Variants in LARS1 observed in about 807,000 individuals in gnomAD.
The protein encoded by LARS1 is leucine--tRNA ligase, cytoplasmic.
In LARS1, 100 loss-of-function variants were observed where a neutral mutation model predicts 162.8. The observed-to-expected ratio is 0.61, with a 90% CI of 0.52 to 0.73. The LOEUF (loss-of-function observed/expected upper bound fraction) is 0.73, where lower values mean the gene tolerates loss of function less well. Ranked by LOEUF, LARS1 falls within the 30% of genes least tolerant of loss-of-function variation. LARS1 has a pLI of 0.00. For missense variants in LARS1, 1,258 were observed against 1,408.9 expected, an observed-to-expected ratio of 0.89 and a Z score of 1.71; for synonymous variants, 457 against 462.8, an observed-to-expected ratio of 0.99 and a Z score of 0.16.
At chr5:146,119,434 T>C (rs1174535497) in intron 31 of LARS1, among the ~76,000 whole-genome samples, 1 of 152,212 alleles carries the variant, frequency 6.6e-6, no homozygotes, top group Non-Finnish European at 1.5e-5. Flanking sequence ...TATAGTTCCA[T>C]AAATTAGGTT....
intron 1 of LARS1, among the ~76,000 whole-genome samples, chr5:146,178,118 C>T (rs1448333401): frequency 6.6e-6 from 1 of 152,024 alleles, no homozygotes; most frequent in Non-Finnish European, 1.5e-5. Context: ...TTAGGATTAT[C>T]ATGACCTGTG....
intron 7 of LARS1, 150 bp downstream of exon 7, chr5:146,160,224 T>C (rs1050833210): frequency 4.9e-6 from 2 of 410,262 alleles, no homozygotes; most frequent in Non-Finnish European, 4.4e-6. Flanking sequence ...TATAAAGAGA[T>C]GTGGTCTCGC....
chr5:146,177,255 A>T (rs1029205928), intron 2 of LARS1, among the ~76,000 whole-genome samples: 2 of 151,616 alleles, frequency 1.3e-5, no homozygotes, highest in Non-Finnish European at 2.9e-5. Context: ...TCACGAGGTC[A>T]GAAGATCGAG....
Position 146,154,113 on chromosome 5 carries a change from T to C in LARS1, c.1066-133A>G, listed in dbSNP as rs1191363844. 9 of 637,070 alleles carry C rather than the reference T, an allele frequency of 1.4e-5. No homozygotes were observed. The East Asian group carries it at 2.2e-4, about 16-fold the overall frequency. The allele number at this position is 637,070 out of a possible 1,614,324, so 39.5% of individuals were successfully genotyped here. A position where few individuals can be genotyped will look rare whatever the true frequency, so the allele number is the denominator to read the frequency against. On this transcript the variant is annotated intron_variant, in intron 10 of 31. Transcript: ENST00000394434. ...ATGGAAATAAATTCAAGAGCTATAT[T>C]GTACAATATGGTGACTATAGGAAAT... is the stretch of plus-strand genomic sequence containing the variant.
chr5:146,151,852 T>G lies in LARS1; in HGVS notation c.1425+10A>C. On this transcript the variant is annotated intron_variant, in intron 14 of 31. Coordinates refer to ENST00000394434, the MANE Select transcript of LARS1 (RefSeq NM_020117.11). ...AAAGCAAATAAAAACTAAAAAAAAT[T>G]ATTACTTACACCCTCATAAAATCCT... 6.2e-7 allele frequency: 1 copy of G among 1,606,412 alleles called. No homozygotes were observed. Among genetic ancestry groups the G allele is most frequent in the Non-Finnish European group, 8.5e-7 (1 of 1,176,668 alleles).
At chr5:146,163,561 C>T (rs2126553511) in intron 6 of LARS1, among the ~76,000 whole-genome samples, 1 of 152,242 alleles carries the variant, frequency 6.6e-6, no homozygotes, top group South Asian at 2.1e-4. Context: ...TGGCAGACGC[C>T]TGTAATCCCA....
chr5:146,168,059 C>A, intron 5 of LARS1, 69 bp downstream of exon 5: 2 of 1,306,286 alleles, frequency 1.5e-6, no homozygotes, highest in Middle Eastern at 2.2e-4. Context: ...TGTGCTAGTA[C>A]TGGGAATGCA....
chr5:146,142,804 T>C, intron 20 of LARS1, 68 bp downstream of exon 20: 1 of 1,141,772 alleles, frequency 8.8e-7, no homozygotes, highest in Non-Finnish European at 1.3e-6. Flanking sequence ...ATTTATTAGA[T>C]ATTTGAAGCC....
Position 146,118,770 on chromosome 5 carries a change from T to G in LARS1, c.3325+1601A>C, listed in dbSNP as rs780610363. Among the ~76,000 whole-genome samples the G allele has an allele frequency of 9.9e-4, 151 of 152,192 alleles. 2 individuals are homozygous for G. Among genetic ancestry groups the G allele is most frequent in the Non-Finnish European group, 2.0e-3 (137 of 68,022 alleles). ...TTTCAATTTGGGATGATGACGAAGT[T>G]GTAGAGATGGATGGTGGTGATGGTT... On this transcript the variant is annotated intron_variant, in intron 31 of 31. Coordinates refer to ENST00000394434, the MANE Select transcript of LARS1 (RefSeq NM_020117.11).
At chr5:146,114,430 T>A in intron 31 of LARS1, 119 bp from the exon 32 acceptor site, 1 of 817,006 alleles carries the variant, frequency 1.2e-6, no homozygotes. Flanking sequence ...AATATTTTCT[T>A]CAGATTATTA....
intron 10 of LARS1, among the ~76,000 whole-genome samples, chr5:146,156,884 G>C (rs1753554385): frequency 6.6e-6 from 1 of 151,654 alleles, no homozygotes; most frequent in Non-Finnish European, 1.5e-5. Flanking sequence ...TAAATCTCTT[G>C]GGGAGGACTG....
chr5:146,158,454 T>C (rs1283185598), intron 8 of LARS1, among the ~76,000 whole-genome samples: 5 of 152,206 alleles, frequency 3.3e-5, no homozygotes, highest in African/African-American at 7.2e-5. Context: ...TAAAAAATGA[T>C]GCAATCATAG....
chr5:146,181,457 C>T (rs949372179), intron 1 of LARS1, among the ~76,000 whole-genome samples: 2 of 152,046 alleles, frequency 1.3e-5, no homozygotes, highest in Non-Finnish European at 2.9e-5. Context: ...AGAAGGATCG[C>T]TTGACCCCAG....
chr5:146,163,697 CA>C (rs895955743), intron 6 of LARS1, among the ~76,000 whole-genome samples: 4 of 151,066 alleles, frequency 2.6e-5, no homozygotes, highest in Non-Finnish European at 5.9e-5. Context: ...AAAAAACAAA[CA>C]AAAAAAAAGA....
In LARS1 at chr5:146,153,166, G is replaced by A. The variant is rs1172134508; in HGVS notation, c.1284+8C>T. The A allele has an allele frequency of 3.7e-6, 6 of 1,601,984 alleles. No individual in the cohort carries two copies. The highest frequency in any genetic ancestry group is 4.3e-6 in the Non-Finnish European group (5 of 1,169,570). ...GATGTGAATATTCTGAATTATCTAT[G>A]TACTCACCGGCTCAAATGGCAAGAC... On this transcript the variant is annotated splice_region_variant and intron_variant, in intron 13 of 31. Coordinates refer to ENST00000394434, the MANE Select transcript of LARS1 (RefSeq NM_020117.11).
chr5:146,120,348 G>T, intron 31 of LARS1, 23 bp downstream of exon 31: 2 of 1,611,384 alleles, frequency 1.2e-6, no homozygotes, highest in Non-Finnish European at 1.7e-6. Flanking sequence ...ACTGACAAAT[G>T]GGAGTTTTGG....
At chr5:146,133,125 C>T in intron 22 of LARS1, 44 bp from the exon 23 acceptor site, 1 of 1,560,920 alleles carries the variant, frequency 6.4e-7, no homozygotes, top group Non-Finnish European at 8.8e-7. Context: ...AATATGGTTA[C>T]TGAGTATCAA....
At position 146,167,825 on chromosome 5, in the gene LARS1, G is replaced by A. The variant is rs192498068; in HGVS notation, c.432+303C>T. Among the ~76,000 whole-genome samples the A allele has an allele frequency of 2.7e-3, 413 of 150,478 alleles. 1 individual carries two copies. Among genetic ancestry groups the A allele is most frequent in the Non-Finnish European group, 4.2e-3 (282 of 67,772 alleles). On this transcript the variant is annotated intron_variant, in intron 5 of 31. Coordinates refer to ENST00000394434, the MANE Select transcript of LARS1 (RefSeq NM_020117.11). ...ATTACAGGCGTGAGCCACCGCGCCC[G>A]GCCTACGACCGGCTTACGCCCGGCT...
intron 21 of LARS1, chr5:146,138,939 C>A: frequency 5.6e-6 from 2 of 355,626 alleles, no homozygotes; most frequent in Non-Finnish European, 5.6e-6. Context: ...ATGCCAAATT[C>A]CTAAACAATC....
Sources: allele counts gnomAD v4.1 joint callset (sites outside exome capture counted in the v4.1 genomes callset), GRCh38; gene constraint gnomAD v4.1.1; transcripts MANE v1.5; gene names NCBI Gene and HGNC (gene_info 2026-07-23, HGNC 2026-07-21).